The following CFAP61 variants were observed in gnomAD, a reference collection of about 807,000 sequenced individuals.
CFAP61 encodes the protein cilia and flagella associated protein 61.
Under a neutral mutation model 135.6 loss-of-function variants are expected in CFAP61, and 107 were observed. The observed-to-expected ratio is 0.79, with a 90% confidence interval of 0.67 to 0.93. The LOEUF (loss-of-function observed/expected upper bound fraction) is 0.93. CFAP61 is among the 40% of genes least tolerant of loss of function. The probability of loss-of-function intolerance (pLI) is 0.00; values close to 1 mark genes in which losing one functional copy is unlikely to be tolerated. For missense variants in CFAP61, 1,507 were observed against 1,556.2 expected, an observed-to-expected ratio of 0.97 and a Z score of 0.53; for synonymous variants, 575 against 578.5, an observed-to-expected ratio of 0.99 and a Z score of 0.09.
rs534462185 is a variant in CFAP61, at chr20:20,175,477, G to T, written c.1385+6017G>T. The stretch of plus-strand genomic sequence containing the variant: ...TTAAGAAGCACTGTAGGGGCTTCTG[G>T]TTTTTTTTTTGTTTTTGTTTTGTTT... On this transcript the variant is annotated intron_variant, in intron 13 of 26. Transcript: ENST00000245957. Among the ~76,000 whole-genome samples the T allele has an allele frequency of 6.9e-5, 10 of 145,698 alleles. No homozygotes were observed. In the East Asian group the frequency reaches 1.6e-3, roughly 23 times the overall value.
intron 17 of CFAP61, among the ~76,000 whole-genome samples, chr20:20,211,915 G>A (rs2047670877): frequency 1.3e-5 from 2 of 152,110 alleles, no homozygotes; most frequent in Admixed American, 6.5e-5. Context: ...CGCCCTTCAC[G>A]GATCTGTGGG....
chr20:20,306,921 T>C (rs1057139552), intron 25 of CFAP61, among the ~76,000 whole-genome samples: 1 of 152,208 alleles, frequency 6.6e-6, no homozygotes, highest in Admixed American at 6.5e-5. Flanking sequence ...AAACAAATCA[T>C]ATAGTGTGAG....
At chr20:20,164,686 T>A (rs914159386) in intron 11 of CFAP61, among the ~76,000 whole-genome samples, 1 of 152,196 alleles carries the variant, frequency 6.6e-6, no homozygotes, top group Non-Finnish European at 1.5e-5. Context: ...TGATCTAGGA[T>A]TTATTTAGAT....
intron 18 of CFAP61, among the ~76,000 whole-genome samples, chr20:20,239,325 G>A (rs1664979887): frequency 6.6e-6 from 1 of 152,108 alleles, no homozygotes; most frequent in African/African-American, 2.4e-5. Flanking sequence ...AAAAATATGA[G>A]GTTGGAGAAA....
intron 9 of CFAP61, among the ~76,000 whole-genome samples, chr20:20,144,987 G>A (rs958696483): frequency 6.6e-6 from 1 of 152,082 alleles, no homozygotes; most frequent in African/African-American, 2.4e-5. Flanking sequence ...CAGAAAAGGT[G>A]GAAAGGTGCA....
At position 20,277,266 on chromosome 20, in the gene CFAP61, C is replaced by G. The variant is rs751785996; in HGVS notation, c.2604C>G (p.Pro868=). 3 of 1,613,944 alleles carry G rather than the reference C, an allele frequency of 1.9e-6. No homozygotes were observed. The highest frequency in any genetic ancestry group is 1.3e-5 in the African/African-American group (1 of 74,922). Residue 868 remains proline, a synonymous_variant, in exon 22 of 27, where the codon CCC becomes CCG. Transcript: ENST00000245957. ...VSGSRIHLVQ[P]PPASTITCIN... ...GCAGCCGCATCCACCTCGTGCAGCC[C>G]CCGCCCGCCTCCACCATCACCTGCA... is the stretch of plus-strand genomic sequence containing the variant.
chr20:20,107,961 T>G (rs1366662560), intron 8 of CFAP61, among the ~76,000 whole-genome samples: 3 of 152,142 alleles, frequency 2.0e-5, no homozygotes, highest in African/African-American at 7.2e-5. Context: ...TAAGTCTACA[T>G]GAAATATTCT....
intron 8 of CFAP61, among the ~76,000 whole-genome samples, chr20:20,101,560 C>T (rs2048021536): frequency 6.6e-6 from 1 of 152,068 alleles, no homozygotes. Flanking sequence ...CAGAAAACTC[C>T]AATGACGGGT....
chr20:20,341,665 T>C (rs575231409), intron 25 of CFAP61, among the ~76,000 whole-genome samples, 166 bp from the exon 26 acceptor site: 74 of 152,194 alleles, frequency 4.9e-4, no homozygotes, highest in Non-Finnish European at 9.7e-4. Context: ...AGCAGGAACA[T>C]CCATTTAAAA....
chr20:20,128,707 T>A (rs961052051), intron 8 of CFAP61, among the ~76,000 whole-genome samples: 5 of 151,760 alleles, frequency 3.3e-5, no homozygotes, highest in Non-Finnish European at 7.3e-5. Context: ...CTGCCTCCCG[T>A]CCGCCATGAT....
At chr20:20,240,736 C>T (rs1207708064) in intron 18 of CFAP61, among the ~76,000 whole-genome samples, 2 of 152,224 alleles carry the variant, frequency 1.3e-5, no homozygotes, top group Admixed American at 6.5e-5. Flanking sequence ...TGAAACATCA[C>T]TGTGTTTTCT....
Position 20,052,601 on chromosome 20 carries a change from G to A in CFAP61, c.-37+10G>A. 2 of 1,613,744 alleles carry A rather than the reference G, an allele frequency of 1.2e-6. No individual in the cohort carries two copies. Among genetic ancestry groups the A allele is most frequent in the Non-Finnish European group, 1.7e-6 (2 of 1,179,876 alleles). On this transcript the variant is annotated intron_variant, in intron 1 of 26. Coordinates refer to ENST00000245957, the MANE Select transcript of CFAP61 (RefSeq NM_015585.4). ...TGGAGCTGCGGATGAGGTGGGTAACGCCGTGCTGACTAGCAGCGACGCAAG... is the reference window on the plus strand; with the variant it reads ...TGGAGCTGCGGATGAGGTGGGTAACACCGTGCTGACTAGCAGCGACGCAAG...
intron 6 of CFAP61, among the ~76,000 whole-genome samples, chr20:20,088,052 C>G (rs2046931279): frequency 6.6e-6 from 1 of 152,168 alleles, no homozygotes; most frequent in South Asian, 2.1e-4. Flanking sequence ...TGAAAAATGA[C>G]TGCAGCATCA....
chr20:20,269,162 C>CATATATGTATATAT (rs1569219312), intron 21 of CFAP61, among the ~76,000 whole-genome samples: 17 of 96,790 alleles, frequency 1.8e-4, no homozygotes, highest in African/African-American at 4.6e-4. Flanking sequence ...CACACACACA[C>CATATATGTATATAT]ACATACATAT....
chr20:20,152,722 A>G (rs1010318667), intron 9 of CFAP61, among the ~76,000 whole-genome samples: 2 of 152,194 alleles, frequency 1.3e-5, no homozygotes, highest in Admixed American at 1.3e-4. Flanking sequence ...AATTTATAAA[A>G]CAATTATTAC....
chr20:20,346,026 C>T (rs1384121083), intron 26 of CFAP61, among the ~76,000 whole-genome samples: 2 of 140,842 alleles, frequency 1.4e-5, no homozygotes, highest in East Asian at 2.2e-4. Context: ...CTCAGCCTCC[C>T]GAGTAGCTGG....
At chr20:20,296,445 CCCT>C (rs1252299172) in intron 24 of CFAP61, among the ~76,000 whole-genome samples, 1 of 142,528 alleles carries the variant, frequency 7.0e-6, no homozygotes, top group African/African-American at 2.6e-5. Flanking sequence ...CTCCTTCCTT[CCCT>C]CCTTCCTGCC....
chr20:20,228,353 C>G lies in CFAP61; in HGVS notation c.2037C>G (p.Ser679=), dbSNP rs1224767160. The change falls in exon 18 of 27, where the codon TCC becomes TCG. Residue 679 remains serine, a synonymous_variant. Transcript: ENST00000245957. The part of the protein sequence containing the change: ...IVVGASSVGI[S]FLETLVFCSH... ...TTGGTGCATCCAGTGTTGGAATTTC[C>G]TTCCTAGAGACATTGGTATTTTGGT... The G allele has an allele frequency of 6.2e-7, 1 of 1,609,540 alleles. No homozygotes were observed.
chr20:20,304,725 C>A lies in CFAP61; in HGVS notation c.3422+6339C>A, dbSNP rs147659295. 1.3e-3 allele frequency among the ~76,000 whole-genome samples: 200 copies of A among 152,102 alleles called. 2 individuals carry two copies. Among genetic ancestry groups the A allele is most frequent in the African/African-American group, 4.5e-3 (188 of 41,490 alleles). ...CTTCAGGACACCGGGCGCGAAAGGA[C>A]CTTCAGTGAGGGTGTGGAGAAGTGG... On this transcript the variant is annotated intron_variant, in intron 25 of 26. Coordinates refer to ENST00000245957, the MANE Select transcript of CFAP61 (RefSeq NM_015585.4).
Sources: allele counts gnomAD v4.1 joint callset (sites outside exome capture counted in the v4.1 genomes callset), GRCh38; gene constraint gnomAD v4.1.1; transcripts MANE v1.5; gene names NCBI Gene and HGNC (gene_info 2026-07-23, HGNC 2026-07-21).